The following INSL6 variants were observed in gnomAD, a reference collection of about 807,000 sequenced individuals.
The protein encoded by INSL6 is insulin-like peptide INSL6.
In INSL6, 16 loss-of-function variants were observed where a neutral mutation model predicts 9.4. The ratio of observed to expected loss-of-function variants is 1.70; its 90% CI spans 1.15 to 2.59. The LOEUF (loss-of-function observed/expected upper bound fraction) is 2.59. Ranked by LOEUF, INSL6 falls within the 30% of genes most tolerant of loss-of-function variation. The pLI is 0.00. For synonymous variants in INSL6, 154 were observed against 96.9 expected (o/e 1.59, Z -3.46); for missense variants, 391 against 257.3 (o/e 1.52, Z -3.56).
chr9:5,019,350 A>G, the INSL6 span, among the ~76,000 whole-genome samples: 31 of 152,198 alleles, frequency 2.0e-4, no homozygotes, highest in African/African-American at 6.7e-4. Context: ...ATTTCATTAA[A>G]TGAATTCTTC....
chr9:5,093,709 G>A, the INSL6 span, among the ~76,000 whole-genome samples: 1 of 152,058 alleles, frequency 6.6e-6, no homozygotes, highest in Non-Finnish European at 1.5e-5. Flanking sequence ...CCAATAATTT[G>A]ATCAACAGAA....
At chr9:5,025,938 G>A in the INSL6 span, among the ~76,000 whole-genome samples, 1 of 152,172 alleles carries the variant, frequency 6.6e-6, no homozygotes, top group Admixed American at 6.5e-5. Flanking sequence ...TTGGCATAAT[G>A]TTGTTCTAGC....
At chr9:5,141,440 T>G (rs1436593610) in intron 2 of INSL6, among the ~76,000 whole-genome samples, 1 of 152,238 alleles carries the variant, frequency 6.6e-6, no homozygotes, top group Non-Finnish European at 1.5e-5. Flanking sequence ...GATTTACGTT[T>G]CTCTAATGAT....
chr9:5,011,290 A>T, the INSL6 span, among the ~76,000 whole-genome samples: 1 of 152,112 alleles, frequency 6.6e-6, no homozygotes, highest in Non-Finnish European at 1.5e-5. Flanking sequence ...AGCGCAAGTA[A>T]TCCTCCTACC....
chr9:5,028,265 G>C, the INSL6 span, among the ~76,000 whole-genome samples: 1 of 152,182 alleles, frequency 6.6e-6, no homozygotes, highest in Non-Finnish European at 1.5e-5. Flanking sequence ...GGGTGACCAG[G>C]TGCATTGTCA....
At chr9:5,010,580 C>T in the INSL6 span, among the ~76,000 whole-genome samples, 614 of 152,284 alleles carry the variant, frequency 4.0e-3, 2 homozygotes, top group Non-Finnish European at 6.7e-3. Flanking sequence ...CTCGGCCTCC[C>T]AAATGCTGGG....
the INSL6 span, among the ~76,000 whole-genome samples, chr9:5,103,203 T>C: frequency 2.5e-3 from 134 of 53,558 alleles, no homozygotes; most frequent in African/African-American, 8.7e-3. Context: ...GAGGAAGATC[T>C]ACCAAGCAAA....
chr9:5,019,788 T>C, the INSL6 span, among the ~76,000 whole-genome samples: 1 of 151,980 alleles, frequency 6.6e-6, no homozygotes, highest in East Asian at 1.9e-4. Context: ...CTCTGTAAGA[T>C]TTTTTTTCCT....
chr9:5,136,219 G>C (rs1445355998), intron 2 of INSL6, among the ~76,000 whole-genome samples: 1 of 152,094 alleles, frequency 6.6e-6, no homozygotes, highest in African/African-American at 2.4e-5. Context: ...CATTCCTTCT[G>C]AAAGTATTCC....
At chr9:5,108,369 C>G in the INSL6 span, 3 of 152,082 alleles carry the variant, frequency 2.0e-5, no homozygotes, top group Non-Finnish European at 2.9e-5. Context: ...CTCATATTTC[C>G]TATTGTACAC....
chr9:5,067,601 A>G, the INSL6 span, among the ~76,000 whole-genome samples: 1 of 152,054 alleles, frequency 6.6e-6, no homozygotes, highest in South Asian at 2.1e-4. Context: ...ATTTCAAAGT[A>G]TCCTGTTACT....
the INSL6 span, among the ~76,000 whole-genome samples, chr9:5,087,653 T>A: frequency 6.6e-6 from 1 of 152,224 alleles, no homozygotes; most frequent in Non-Finnish European, 1.5e-5. Context: ...AGAAAAAGTA[T>A]AATGATCATT....
the INSL6 span, among the ~76,000 whole-genome samples, chr9:5,028,860 G>C: frequency 6.6e-6 from 1 of 152,206 alleles, no homozygotes; most frequent in East Asian, 1.9e-4. Context: ...GGTTTGGCTT[G>C]AGGGAATATT....
At chr9:5,119,340 G>C (rs1028754494), downstream of INSL6, among the ~76,000 whole-genome samples, 1 of 151,828 alleles carries the variant, frequency 6.6e-6, no homozygotes, top group African/African-American at 2.4e-5. Context: ...CATATCCAGA[G>C]GTCCTCCTTC....
In INSL6 at chr9:5,154,192, T is replaced by A. The variant is rs1215179956; in HGVS notation, c.376+9987A>T. On this transcript the variant is annotated intron_variant, in intron 2 of 3. Transcript: ENST00000649639. Reference sequence around the variant, plus strand: ...CACACATCTACAACCATCTGATCTTTGACAAACCTGACAAAAACAAGAAAT... The same window carrying A: ...CACACATCTACAACCATCTGATCTTAGACAAACCTGACAAAAACAAGAAAT... Among the ~76,000 whole-genome samples the A allele has an allele frequency of 3.9e-5, 6 of 152,344 alleles. No individual in the cohort carries two copies. The South Asian group carries it at 1.0e-3, about 26-fold the overall frequency.
the INSL6 span, among the ~76,000 whole-genome samples, chr9:5,002,720 T>C: frequency 6.6e-6 from 1 of 152,018 alleles, no homozygotes; most frequent in Non-Finnish European, 1.5e-5. Flanking sequence ...GAAATGAGTA[T>C]TGAAATTTTT....
At chr9:5,127,435 G>A (rs1330243239) in intron 3 of INSL6, 3 of 231,434 alleles carry the variant, frequency 1.3e-5, no homozygotes, top group East Asian at 6.1e-5. Context: ...GGGAACAAAT[G>A]TCTAGTTTTA....
the INSL6 span, chr9:5,041,551 A>G: frequency 1.9e-6 from 1 of 530,788 alleles, no homozygotes; most frequent in Non-Finnish European, 3.8e-6. Flanking sequence ...AACTTCCCAG[A>G]GGAGATGGCT....
At chr9:5,182,678 G>A (rs190244871) in intron 1 of INSL6, among the ~76,000 whole-genome samples, 2 of 151,902 alleles carry the variant, frequency 1.3e-5, no homozygotes, top group Admixed American at 6.6e-5. Context: ...GTGACATGAA[G>A]ACTAAGAATA....
Sources: allele counts gnomAD v4.1 joint callset (sites outside exome capture counted in the v4.1 genomes callset), GRCh38; gene constraint gnomAD v4.1.1; transcripts MANE v1.5; gene names NCBI Gene and HGNC (gene_info 2026-07-23, HGNC 2026-07-21).